EDRF1: variants seen among roughly 807,000 people sequenced by gnomAD.
EDRF1 encodes the protein erythroid differentiation-related factor 1.
A neutral mutation model predicts 148.7 loss-of-function variants in EDRF1; 69 were observed. The observed-to-expected ratio is 0.46, with a 90% CI of 0.38 to 0.57. The LOEUF (loss-of-function observed/expected upper bound fraction) is 0.57. Ranked by LOEUF, EDRF1 falls within the 20% of genes least tolerant of loss-of-function variation. The pLI, the probability that EDRF1 is intolerant of heterozygous loss-of-function variation, is 0.00. For missense variants in EDRF1, 1,118 were observed against 1,478.7 expected, an observed-to-expected ratio of 0.76 and a Z score of 4.00; for synonymous variants, 515 against 532.8, an observed-to-expected ratio of 0.97 and a Z score of 0.46.
At chr10:125,735,431 G>A (rs774838836) in intron 12 of EDRF1, among the ~76,000 whole-genome samples, 45 of 151,982 alleles carry the variant, frequency 3.0e-4, no homozygotes, top group Non-Finnish European at 5.9e-4. Context: ...GAGTAATTTC[G>A]GGAAATAGGA....
intron 17 of EDRF1, chr10:125,742,185 C>T (rs1849058128): frequency 1.2e-5 from 15 of 1,268,200 alleles, no homozygotes; most frequent in Admixed American, 2.3e-5. Context: ...AGCCACCTGT[C>T]TTGCTTAATA....
chr10:125,748,217 G>T (rs893612715), intron 21 of EDRF1: 1 of 637,488 alleles, frequency 1.6e-6, no homozygotes, highest in South Asian at 1.8e-5. Flanking sequence ...TTGAGCATGG[G>T]AAAACGAATC....
chr10:125,732,399 C>T (rs905607516), intron 9 of EDRF1, among the ~76,000 whole-genome samples: 1 of 152,080 alleles, frequency 6.6e-6, no homozygotes, highest in African/African-American at 2.4e-5. Flanking sequence ...GTTTTTGTCA[C>T]ATGTTCAGTT....
chr10:125,747,591 C>T lies in EDRF1; in HGVS notation c.2870C>T (p.Pro957Leu). The change falls in exon 20 of 25, where the codon CCA (proline) becomes CTA (leucine). Residue 957 changes from proline (P) to leucine (L), a missense_variant. By Grantham distance (98) the Pro-to-Leu change is moderately conservative. Around this residue, in one of 3 missense-constraint regions of EDRF1, gnomAD observed 954 missense variants for 1,241.4 expected, o/e 0.77. Transcript: ENST00000356792. ...LRSLGTRDIHPAVWDSVNWEL... is the reference protein window; with the variant it reads ...LRSLGTRDIHLAVWDSVNWEL... Reference sequence around the variant, plus strand: ...TCATTGGGAACACGAGACATACACCCAGCTGTTTGGGATTCAGTGAACTGG... The same window carrying T: ...TCATTGGGAACACGAGACATACACCTAGCTGTTTGGGATTCAGTGAACTGG... The T allele has an allele frequency of 6.2e-7, 1 of 1,614,120 alleles. No homozygotes were observed. Among genetic ancestry groups the T allele is most frequent in the Non-Finnish European group, 8.5e-7 (1 of 1,180,016 alleles).
chr10:125,746,888 G>C (rs976089601), intron 19 of EDRF1: 1 of 152,438 alleles, frequency 6.6e-6, no homozygotes, highest in Non-Finnish European at 1.5e-5. Flanking sequence ...CACTGTTGGA[G>C]AGGGTACAAA....
chr10:125,747,150 A>G (rs148299317), intron 19 of EDRF1: 5 of 205,166 alleles, frequency 2.4e-5, no homozygotes, highest in Non-Finnish European at 5.0e-5. Context: ...GTAGGAGGAG[A>G]TACTTCTTTT....
At chr10:125,731,233 T>C (rs1309838098) in intron 9 of EDRF1, among the ~76,000 whole-genome samples, 1 of 152,146 alleles carries the variant, frequency 6.6e-6, no homozygotes, top group Non-Finnish European at 1.5e-5. Flanking sequence ...CAGAAAGAGA[T>C]AATCTAATGG....
chr10:125,721,485 A>G lies in EDRF1; in HGVS notation c.317+73A>G, dbSNP rs1848002110. On this transcript the variant is annotated intron_variant, in intron 2 of 24. Coordinates refer to ENST00000356792, the MANE Select transcript of EDRF1 (RefSeq NM_001202438.2). ...AAAACTCTTATTTGCTTTTAAATTC[A>G]GTTTGTAATGCCTATTAACTTGTCG... 7 of 1,343,326 alleles carry G rather than the reference A, an allele frequency of 5.2e-6. No individual in the cohort carries two copies. The South Asian group carries it at 7.3e-5, about 14-fold the overall frequency. The allele number at this position is 1,343,326 out of a possible 1,614,324, so 83.2% of individuals were successfully genotyped here.
chr10:125,740,434 C>T (rs760823867), intron 15 of EDRF1, 29 bp from the exon 16 acceptor site: 1 of 1,608,708 alleles, frequency 6.2e-7, no homozygotes, highest in South Asian at 1.1e-5. Flanking sequence ...ATGAAATGTG[C>T]TGTCTTTTTT....
chr10:125,763,737 C>T lies in EDRF1; in HGVS notation c.*265C>T. 4.0e-6 allele frequency: 2 copies of T among 505,238 alleles called. No individual in the cohort carries two copies. The highest frequency in any genetic ancestry group is 7.1e-6 in the Non-Finnish European group (2 of 279,812). 31.3% of individuals were successfully genotyped at this position (505,238 alleles called of 1,614,324 possible). A position where few individuals can be genotyped will look rare whatever the true frequency, so the allele number is the denominator to read the frequency against. On this transcript the variant is annotated 3_prime_UTR_variant, in exon 25 of 25. Transcript: ENST00000356792. The surrounding 1 kb of genome is among the most constrained non-coding windows in gnomAD (Gnocchi z 4.3). ...TATGTAGTACCTCGGTATTAACAGACCTGCTGTGATGCAGTTACACTTTCA... is the reference window on the plus strand; with the variant it reads ...TATGTAGTACCTCGGTATTAACAGATCTGCTGTGATGCAGTTACACTTTCA...
chr10:125,723,214 T>A, intron 3 of EDRF1, 80 bp downstream of exon 3: 1 of 1,236,256 alleles, frequency 8.1e-7, no homozygotes, highest in Non-Finnish European at 1.2e-6. Flanking sequence ...TTTTGCATAA[T>A]ATAAATGTGC....
chr10:125,736,719 G>A (rs1848754829), intron 13 of EDRF1, among the ~76,000 whole-genome samples: 1 of 151,838 alleles, frequency 6.6e-6, no homozygotes, highest in Non-Finnish European at 1.5e-5. Flanking sequence ...TCTCTCAAAA[G>A]CATCAAGATT....
Position 125,745,699 on chromosome 10 carries a change from C to T in EDRF1, c.2591-8C>T, listed in dbSNP as rs372764166. The T allele has an allele frequency of 1.1e-5, 18 of 1,613,744 alleles. No individual in the cohort carries two copies. The highest frequency in any genetic ancestry group is 3.3e-5 in the Admixed American group (2 of 60,008). ...TTACACAGTTGTTTTCTTTCTTTCT[C>T]TGTAAAGTGAGCAAATCTGTGTCTG... On this transcript the variant is annotated splice_region_variant and splice_polypyrimidine_tract_variant and intron_variant, in intron 18 of 24. Coordinates refer to ENST00000356792, the MANE Select transcript of EDRF1 (RefSeq NM_001202438.2).
At chr10:125,725,551 A>T in intron 5 of EDRF1, 109 bp downstream of exon 5, 1 of 1,566,920 alleles carries the variant, frequency 6.4e-7, no homozygotes, top group Non-Finnish European at 8.7e-7. Context: ...TGATACTGTT[A>T]ACATTTGTTT....
At chr10:125,752,938 TTG>T in intron 23 of EDRF1, 24 bp downstream of exon 23, 1 of 1,551,200 alleles carries the variant, frequency 6.4e-7, no homozygotes, top group Non-Finnish European at 8.9e-7. Flanking sequence ...ATGACTGTCT[TTG>T]GTTTTTGTGT....
At position 125,759,745 on chromosome 10, in the gene EDRF1, C is replaced by A. The variant is rs985428705; in HGVS notation, c.3546-3556C>A. Among the ~76,000 whole-genome samples the A allele has an allele frequency of 2.6e-5, 4 of 151,776 alleles. No individual in the cohort carries two copies. In the South Asian group the frequency reaches 6.2e-4, roughly 24 times the overall value. On this transcript the variant is annotated intron_variant, in intron 24 of 24. Transcript: ENST00000356792. Reference sequence around the variant, plus strand: ...TTTTTTTTTGAGACAGAGTCTCGCTCTGTCGCCCACGCTGGAGTGCAGTGG... The same window carrying A: ...TTTTTTTTTGAGACAGAGTCTCGCTATGTCGCCCACGCTGGAGTGCAGTGG...
chr10:125,729,156 C>T, intron 7 of EDRF1, 52 bp downstream of exon 7: 1 of 1,510,674 alleles, frequency 6.6e-7, no homozygotes, highest in Non-Finnish European at 8.9e-7. Flanking sequence ...TCTACTTTGT[C>T]ATTTCAAAAC....
At position 125,737,916 on chromosome 10, in the gene EDRF1, A is replaced by G; in HGVS notation, c.1759-2A>G. 6.2e-7 allele frequency: 1 copy of G among 1,613,836 alleles called. No homozygotes were observed. The highest frequency in any genetic ancestry group is 8.5e-7 in the Non-Finnish European group (1 of 1,179,780). On this transcript the variant is annotated splice_acceptor_variant, in intron 13 of 24. Coordinates refer to ENST00000356792, the MANE Select transcript of EDRF1 (RefSeq NM_001202438.2). LOFTEE classifies it high-confidence loss of function. ...TTAATAATTTTATGTTTGTTCCTCAAGCCCAGTTGTGCATTTCCAGTTTGC... is the reference window on the plus strand; with the variant it reads ...TTAATAATTTTATGTTTGTTCCTCAGGCCCAGTTGTGCATTTCCAGTTTGC...
At position 125,743,180 on chromosome 10, in the gene EDRF1, C is replaced by A; in HGVS notation, c.2494C>A (p.His832Asn). The change falls in exon 18 of 25, where the codon CAC becomes AAC. Residue 832 changes from histidine to asparagine, a missense_variant. His to Asn is a moderately conservative substitution (Grantham distance 68). Transcript: ENST00000356792. ...FSDLKSQNPE[H>N]YVQVLKRMGN... Reference sequence around the variant, plus strand: ...TGACTTGAAAAGCCAAAATCCAGAACACTATGTACAAGTATTAAAGAGAAT... The same window carrying A: ...TGACTTGAAAAGCCAAAATCCAGAAAACTATGTACAAGTATTAAAGAGAAT... 3 of 1,613,802 alleles carry A rather than the reference C, an allele frequency of 1.9e-6. No individual in the cohort carries two copies. Among genetic ancestry groups the A allele is most frequent in the Non-Finnish European group, 2.5e-6 (3 of 1,179,842 alleles).
Sources: allele counts gnomAD v4.1 joint callset (sites outside exome capture counted in the v4.1 genomes callset), GRCh38; gene constraint gnomAD v4.1.1; regional missense constraint gnomAD v4.1.1; non-coding constraint Gnocchi (gnomAD v3.1); transcripts MANE v1.5; gene names NCBI Gene and HGNC (gene_info 2026-07-23, HGNC 2026-07-21).